ARHGAP10: variants seen among roughly 807,000 people sequenced by gnomAD.
ARHGAP10 encodes Rho GTPase activating protein 10.
ARHGAP10 carries 87 observed loss-of-function variants against 108.6 expected under a neutral mutation model. That is an observed-to-expected ratio of 0.80 (90% CI 0.67 to 0.96). The LOEUF (loss-of-function observed/expected upper bound fraction) is 0.96. Ranked by LOEUF, ARHGAP10 falls within the 40% of genes least tolerant of loss-of-function variation. The pLI is 0.00. For missense variants in ARHGAP10, 939 were observed against 954.5 expected (o/e 0.98, Z 0.21); for synonymous variants, 347 against 341.1 (o/e 1.02, Z -0.19).
intron 20 of ARHGAP10, among the ~76,000 whole-genome samples, chr4:148,055,459 C>T (rs959613415): frequency 1.3e-4 from 20 of 152,292 alleles, no homozygotes; most frequent in South Asian, 1.0e-3. Context: ...GAGACTGAGG[C>T]AGGCAGATCA....
chr4:147,808,238 T>C (rs562847819), intron 1 of ARHGAP10, among the ~76,000 whole-genome samples: 8 of 151,844 alleles, frequency 5.3e-5, no homozygotes, highest in African/African-American at 1.9e-4. Flanking sequence ...GCAGGTTGTA[T>C]GTGGGTTTTG....
chr4:148,050,405 G>T (rs1331649088), intron 20 of ARHGAP10, among the ~76,000 whole-genome samples: 1 of 112,412 alleles, frequency 8.9e-6, no homozygotes, highest in Non-Finnish European at 1.7e-5. Flanking sequence ...ATGTAGTCTC[G>T]CTCTGTTGCC....
intron 18 of ARHGAP10, among the ~76,000 whole-genome samples, chr4:148,007,745 T>A (rs1741006832): frequency 6.6e-6 from 1 of 152,202 alleles, no homozygotes; most frequent in African/African-American, 2.4e-5. Context: ...AAATTCCCAG[T>A]TTTAACCTCT....
rs1560848683 is a variant in ARHGAP10 at position 147,964,583 on chromosome 4, A to G, written c.1451-441A>G. Among the ~76,000 whole-genome samples, 3 of 152,154 alleles carry G rather than the reference A, an allele frequency of 2.0e-5. No homozygotes were observed. In the South Asian group the frequency reaches 6.2e-4, roughly 32 times the overall value. ...TGCGAGTTCTAAGGGCTAGAACTTC[A>G]ACATATTTTTTGAGGGGGTTATCCT... On this transcript the variant is annotated intron_variant, in intron 16 of 22. Coordinates refer to ENST00000336498, the MANE Select transcript of ARHGAP10 (RefSeq NM_024605.4).
intron 5 of ARHGAP10, among the ~76,000 whole-genome samples, chr4:147,859,623 C>T (rs111714288): frequency 8.5e-5 from 13 of 152,264 alleles, no homozygotes; most frequent in African/African-American, 3.1e-4. Context: ...GCATTTGTTA[C>T]GTGGCTTCTT....
At chr4:147,970,168 A>G (rs1388696313) in intron 18 of ARHGAP10, among the ~76,000 whole-genome samples, 4 of 152,138 alleles carry the variant, frequency 2.6e-5, no homozygotes, top group Non-Finnish European at 5.9e-5. Flanking sequence ...TGCTATGAGG[A>G]AGAATATTTT....
intron 1 of ARHGAP10, among the ~76,000 whole-genome samples, chr4:147,785,313 G>T (rs1289161502): frequency 6.6e-6 from 1 of 151,950 alleles, no homozygotes; most frequent in Non-Finnish European, 1.5e-5. Context: ...CCAATCCAGT[G>T]CTCCATTTTT....
chr4:147,815,821 G>A (rs1560773410), intron 1 of ARHGAP10, among the ~76,000 whole-genome samples: 1 of 152,202 alleles, frequency 6.6e-6, no homozygotes, highest in Non-Finnish European at 1.5e-5. Context: ...AGCTATGATA[G>A]TGCCACTGCA....
At chr4:147,732,519 G>A (rs1578977075) in intron 1 of ARHGAP10, 64 bp downstream of exon 1, 2 of 1,592,360 alleles carry the variant, frequency 1.3e-6, no homozygotes, top group Non-Finnish European at 8.6e-7. Context: ...AGCCTCTCTC[G>A]GCAGGAGACG....
chr4:147,875,993 G>A (rs1378694156), intron 8 of ARHGAP10, among the ~76,000 whole-genome samples: 1 of 152,120 alleles, frequency 6.6e-6, no homozygotes, highest in Non-Finnish European at 1.5e-5. Context: ...CTGTGATTAG[G>A]GTGTTTTACA....
chr4:147,975,555 T>C (rs2149622452), intron 18 of ARHGAP10, among the ~76,000 whole-genome samples: 1 of 152,310 alleles, frequency 6.6e-6, no homozygotes, highest in Admixed American at 6.5e-5. Context: ...TGATGCATCA[T>C]CTCATGGCAG....
At chr4:147,895,295 A>G (rs1041778260) in intron 10 of ARHGAP10, among the ~76,000 whole-genome samples, 4 of 152,226 alleles carry the variant, frequency 2.6e-5, no homozygotes, top group Middle Eastern at 6.8e-3. Context: ...GTATCTTACA[A>G]TATTGCTAAG....
intron 1 of ARHGAP10, among the ~76,000 whole-genome samples, chr4:147,766,832 ATATATATT>A (rs1472769123): frequency 0.013 from 372 of 27,730 alleles, 1 homozygote; most frequent in Middle Eastern, 0.033. Context: ...ATATATATAT[ATATATATT>A]TATTTATTTA....
At chr4:147,743,734 G>C (rs951156443) in intron 1 of ARHGAP10, among the ~76,000 whole-genome samples, 23 of 152,092 alleles carry the variant, frequency 1.5e-4, no homozygotes, top group Admixed American at 6.6e-4. Flanking sequence ...CCAAGATTGC[G>C]CCATTGCACT....
At chr4:147,965,269 A>G (rs774625328) in intron 17 of ARHGAP10, 140 bp downstream of exon 17, 50 of 562,220 alleles carry the variant, frequency 8.9e-5, no homozygotes, top group Non-Finnish European at 1.3e-4. Flanking sequence ...TGTGTTTTGG[A>G]TAAGACTGTT....
chr4:147,872,080 C>G (rs990719615), intron 7 of ARHGAP10, among the ~76,000 whole-genome samples: 14 of 138,052 alleles, frequency 1.0e-4, no homozygotes, highest in African/African-American at 3.4e-4. Context: ...CCAGCCTGAC[C>G]AACAGAGTGA....
At chr4:148,061,689 A>C (rs1344303785) in intron 20 of ARHGAP10, among the ~76,000 whole-genome samples, 1 of 151,996 alleles carries the variant, frequency 6.6e-6, no homozygotes, top group Non-Finnish European at 1.5e-5. Flanking sequence ...ATACCTACCA[A>C]GTCAATTATG....
chr4:148,036,085 T>C (rs1728365965), intron 19 of ARHGAP10, among the ~76,000 whole-genome samples: 1 of 151,872 alleles, frequency 6.6e-6, no homozygotes, highest in Admixed American at 6.6e-5. Flanking sequence ...TGTGTGTGTG[T>C]GTGTGTGTGT....
chr4:147,792,861 G>C (rs967952349), intron 1 of ARHGAP10, among the ~76,000 whole-genome samples: 18 of 152,126 alleles, frequency 1.2e-4, no homozygotes, highest in South Asian at 4.1e-4. Flanking sequence ...AAAAATACAA[G>C]GTAGTTGGCC....
Sources: allele counts gnomAD v4.1 joint callset (sites outside exome capture counted in the v4.1 genomes callset), GRCh38; gene constraint gnomAD v4.1.1; transcripts MANE v1.5; gene names NCBI Gene and HGNC (gene_info 2026-07-23, HGNC 2026-07-21).